Variants in CCNY observed in about 807,000 individuals in gnomAD.
CCNY encodes cyclin Y.
A neutral mutation model predicts 42.8 loss-of-function variants in CCNY; 19 were observed. That is an observed-to-expected ratio of 0.44 (90% CI 0.31 to 0.65). The LOEUF (loss-of-function observed/expected upper bound fraction) is 0.65, where lower values mean the gene tolerates loss of function less well. CCNY is among the 30% of genes least tolerant of loss of function. CCNY has a pLI of 0.07. For synonymous variants in CCNY, 165 were observed against 162.7 expected, an observed-to-expected ratio of 1.01 and a Z score of -0.11; for missense variants, 370 against 437.3, an observed-to-expected ratio of 0.85 and a Z score of 1.37.
At chr10:35,249,121 A>T (rs115576199) in intron 2 of CCNY, among the ~76,000 whole-genome samples, 1 of 152,040 alleles carries the variant, frequency 6.6e-6, no homozygotes, top group African/African-American at 2.4e-5. Flanking sequence ...TTTAGTAGAG[A>T]TGAGGGAGGC....
chr10:35,487,682 C>G (rs1589153880), intron 2 of CCNY, among the ~76,000 whole-genome samples: 2 of 152,062 alleles, frequency 1.3e-5, no homozygotes, highest in East Asian at 3.9e-4. Context: ...GGTTAAGTAG[C>G]CTGCTCATCA....
At chr10:35,275,751 A>G (rs1835231671) in intron 3 of CCNY, among the ~76,000 whole-genome samples, 1 of 151,580 alleles carries the variant, frequency 6.6e-6, no homozygotes, top group Non-Finnish European at 1.5e-5. Context: ...TGACACAGCG[A>G]GACTCCGTCT....
At chr10:35,476,688 G>A (rs1468215826) in intron 1 of CCNY, among the ~76,000 whole-genome samples, 2 of 150,194 alleles carry the variant, frequency 1.3e-5, no homozygotes, top group African/African-American at 2.5e-5. Flanking sequence ...AAGCAGGAAA[G>A]ATCCAAAATT....
rs139505116 is a variant in CCNY at position 35,472,405 on chromosome 10, T to G, written c.155-10999T>G. Among the ~76,000 whole-genome samples, 746 of 152,382 alleles carry G rather than the reference T, an allele frequency of 4.9e-3. 4 individuals are homozygous for G. Among genetic ancestry groups the G allele is most frequent in the Non-Finnish European group, 7.2e-3 (489 of 68,038 alleles). On this transcript the variant is annotated intron_variant, in intron 1 of 9. Transcript: ENST00000374704. ...TCCTGGAGAGTCTTATTTTCAGCTT[T>G]CTGAATGTGGGTTATAGAGTCAGTC...
intron 4 of CCNY, among the ~76,000 whole-genome samples, chr10:35,520,569 A>C (rs1425847791): frequency 6.6e-6 from 1 of 152,128 alleles, no homozygotes; most frequent in East Asian, 1.9e-4. Context: ...TAGGTTCTAA[A>C]CAGCGATTTA....
In CCNY at chr10:35,302,118, A is replaced by C. The variant is rs936668287; in HGVS notation, c.-9+51492A>C. 2.0e-5 allele frequency among the ~76,000 whole-genome samples: 3 copies of C among 150,678 alleles called. No individual in the cohort carries two copies. In the East Asian group the frequency reaches 6.0e-4, roughly 30 times the overall value. ...GCTGGGACTACAGGCACACGCCACC[A>C]CGCCTGGCTAATTTTTGTGTTTTTA... On this transcript the variant is annotated intron_variant, in intron 3 of 11. Transcript: ENST00000374706.
At position 35,449,789 on chromosome 10, in the gene CCNY, C is replaced by T. The variant is rs1365938148; in HGVS notation, c.155-33615C>T. On this transcript the variant is annotated intron_variant, in intron 1 of 9. Transcript: ENST00000374704. The stretch of plus-strand genomic sequence containing the variant: ...AAGGCTGCAGTGCTTCTCCTGGCCT[C>T]TGTCTTCTCAGCTGAACGGACAGTA... The T allele has an allele frequency of 5.1e-6, 5 of 985,214 alleles. No individual in the cohort carries two copies. The African/African-American group carries it at 8.7e-5, about 17-fold the overall frequency. The allele number at this position is 985,214 out of a possible 1,614,324, so 61.0% of individuals were successfully genotyped here. A position where few individuals can be genotyped will look rare whatever the true frequency, so the allele number is the denominator to read the frequency against.
chr10:35,429,337 T>C (rs1354971295), intron 1 of CCNY, among the ~76,000 whole-genome samples: 1 of 152,266 alleles, frequency 6.6e-6, no homozygotes, highest in East Asian at 1.9e-4. Flanking sequence ...TATTATAACA[T>C]AAATGAACTT....
intron 3 of CCNY, among the ~76,000 whole-genome samples, chr10:35,292,007 T>A (rs1305024672): frequency 2.0e-5 from 3 of 152,144 alleles, no homozygotes; most frequent in Non-Finnish European, 4.4e-5. Context: ...CGTAGTGGGG[T>A]TCCAGTTTCT....
intron 7 of CCNY, 25 bp from the exon 8 acceptor site, chr10:35,552,994 C>T (rs377039217): frequency 5.0e-6 from 8 of 1,607,366 alleles, no homozygotes; most frequent in East Asian, 4.5e-5. Context: ...AATCACTTAG[C>T]TCTGGCATTG....
At chr10:35,566,268 A>T in intron 9 of CCNY, 83 bp downstream of exon 9, 1 of 1,344,994 alleles carries the variant, frequency 7.4e-7, no homozygotes, top group South Asian at 1.4e-5. Context: ...GGTCACATTG[A>T]TCATTTCCCC....
chr10:35,335,916 A>C (rs1836014288), upstream of CCNY: 1 of 151,596 alleles, frequency 6.6e-6, no homozygotes, highest in Non-Finnish European at 1.5e-5. Context: ...ACACACACAC[A>C]CACACACACA....
chr10:35,307,910 C>T (rs756956226), intron 3 of CCNY, among the ~76,000 whole-genome samples: 12 of 150,150 alleles, frequency 8.0e-5, no homozygotes, highest in South Asian at 2.1e-4. Flanking sequence ...CTCCGCCTCC[C>T]GGGTTCAAGT....
chr10:35,336,215 C>G (rs1378863072), upstream of CCNY: 2 of 152,008 alleles, frequency 1.3e-5, no homozygotes, highest in East Asian at 3.9e-4. Flanking sequence ...GCCCCGGGGA[C>G]GCACCTCGCA....
chr10:35,406,864 C>A (rs1470791620), intron 1 of CCNY, among the ~76,000 whole-genome samples: 3 of 148,252 alleles, frequency 2.0e-5, no homozygotes, highest in African/African-American at 7.8e-5. Flanking sequence ...GGGGGCTGAC[C>A]CCCCCCCACC....
intron 3 of CCNY, among the ~76,000 whole-genome samples, chr10:35,284,281 G>C (rs760549668): frequency 6.6e-6 from 1 of 151,932 alleles, no homozygotes; most frequent in Non-Finnish European, 1.5e-5. Context: ...ATGCTGCCCA[G>C]GTTTGCAGAT....
intron 4 of CCNY, among the ~76,000 whole-genome samples, chr10:35,525,761 A>G (rs1840638662): frequency 1.3e-5 from 2 of 152,176 alleles, no homozygotes; most frequent in African/African-American, 2.4e-5. Context: ...AAGAGATGTA[A>G]TAATTCCTGG....
At chr10:35,290,727 C>T (rs923243319) in intron 3 of CCNY, among the ~76,000 whole-genome samples, 1 of 151,932 alleles carries the variant, frequency 6.6e-6, no homozygotes, top group African/African-American at 2.4e-5. Flanking sequence ...TTTCCAAGGC[C>T]AAGGTGGGAG....
intron 3 of CCNY, among the ~76,000 whole-genome samples, chr10:35,304,296 T>TA (rs1188837883): frequency 9.3e-6 from 1 of 107,032 alleles, no homozygotes; most frequent in Non-Finnish European, 1.8e-5. Flanking sequence ...CTCCTTTTAT[T>TA]TTTTTTTTTT....
Sources: gnomAD v4.1 joint callset for allele counts (sites outside exome capture counted in the v4.1 genomes callset) on GRCh38, gnomAD v4.1.1 for gene constraint, MANE v1.5 for transcripts, NCBI Gene and HGNC (gene_info 2026-07-23, HGNC 2026-07-21) for gene names.